Variants in CCNH observed in about 807,000 individuals in gnomAD.
The protein encoded by CCNH is cyclin H, also known as cyclin-H.
Under a neutral mutation model 41.9 loss-of-function variants are expected in CCNH, and 31 were observed. That is an observed-to-expected ratio of 0.74 (90% CI 0.56 to 1.00). The LOEUF (loss-of-function observed/expected upper bound fraction) is 1.00, where lower values mean the gene tolerates loss of function less well. CCNH is among the 50% of genes least tolerant of loss of function. The pLI, the probability that CCNH is intolerant of heterozygous loss-of-function variation, is 0.00. For missense variants in CCNH, 362 were observed against 388.4 expected (o/e 0.93, Z 0.57); for synonymous variants, 138 against 136.1 (o/e 1.01, Z -0.10).
chr5:87,368,788 C>T (rs534624840), intron 9 of CCNH, among the ~76,000 whole-genome samples: 2 of 152,266 alleles, frequency 1.3e-5, no homozygotes, highest in South Asian at 2.1e-4. Flanking sequence ...CTGCCTTGAA[C>T]GGAAAAGATG....
intron 9 of CCNH, among the ~76,000 whole-genome samples, chr5:87,343,402 G>C (rs1430477306): frequency 2.6e-5 from 4 of 152,006 alleles, no homozygotes; most frequent in African/African-American, 9.7e-5. Context: ...TTTTCCAGTA[G>C]CTGGAATAAT....
At chr5:87,365,612 A>T (rs1372930084) in intron 9 of CCNH, among the ~76,000 whole-genome samples, 1 of 152,120 alleles carries the variant, frequency 6.6e-6, no homozygotes, top group Non-Finnish European at 1.5e-5. Flanking sequence ...ACTACTTTAT[A>T]ATTAGCCTTA....
intron 9 of CCNH, chr5:87,331,037 C>G: frequency 7.8e-7 from 1 of 1,276,728 alleles, no homozygotes; most frequent in East Asian, 2.6e-5. Context: ...AAGTAAAGAT[C>G]TGGTTGCAGT....
intron 9 of CCNH, among the ~76,000 whole-genome samples, chr5:87,334,161 G>T (rs901503948): frequency 6.6e-6 from 1 of 152,018 alleles, no homozygotes; most frequent in Non-Finnish European, 1.5e-5. Flanking sequence ...CCCACAATCG[G>T]CTGTCTGCAA....
chr5:87,372,620 T>C (rs562625611), downstream of CCNH, among the ~76,000 whole-genome samples: 1 of 152,310 alleles, frequency 6.6e-6, no homozygotes, highest in African/African-American at 2.4e-5. Flanking sequence ...AGGAAATATT[T>C]AATCTTATTT....
chr5:87,344,952 TTC>T, intron 9 of CCNH, among the ~76,000 whole-genome samples: 1 of 152,266 alleles, frequency 6.6e-6, no homozygotes, highest in East Asian at 1.9e-4. Flanking sequence ...ATTGGTACCC[TTC>T]TCTGTTACTC....
intron 9 of CCNH, among the ~76,000 whole-genome samples, chr5:87,359,162 TA>T (rs976125670): frequency 1.8e-4 from 28 of 152,308 alleles, no homozygotes; most frequent in African/African-American, 6.5e-4. Context: ...TTTATTGAAT[TA>T]ATATATTAAA....
At chr5:87,411,042 T>C (rs912129978) in intron 2 of CCNH, among the ~76,000 whole-genome samples, 182 bp downstream of exon 2, 6 of 152,204 alleles carry the variant, frequency 3.9e-5, no homozygotes, top group African/African-American at 1.4e-4. Flanking sequence ...TGAAATACTT[T>C]TGAAGATATG....
chr5:87,353,335 A>T, intron 9 of CCNH: 2 of 907,490 alleles, frequency 2.2e-6, no homozygotes, highest in Non-Finnish European at 3.5e-6. Context: ...AATTGGATAC[A>T]ACTTAAAACT....
chr5:87,386,923 G>C (rs1290076478), downstream of CCNH: 27 of 1,595,332 alleles, frequency 1.7e-5, no homozygotes, highest in East Asian at 6.0e-4. Flanking sequence ...TAGTTTTCAG[G>C]TACTTTTTTT....
At chr5:87,391,433 T>A (rs1337329102), downstream of CCNH, 12 of 242,882 alleles carry the variant, frequency 4.9e-5, no homozygotes, top group Admixed American at 6.0e-4. Context: ...TGTATACTTT[T>A]AAAAAATACT....
At chr5:87,360,124 GTTTTTTTT>G (rs755443447) in intron 9 of CCNH, among the ~76,000 whole-genome samples, 48 of 132,702 alleles carry the variant, frequency 3.6e-4, no homozygotes, top group African/African-American at 1.3e-3. Flanking sequence ...TCAAAATGCA[GTTTTTTTT>G]TTTTTTTTTG....
At chr5:87,357,620 G>C (rs1173173625) in intron 9 of CCNH, among the ~76,000 whole-genome samples, 1 of 152,028 alleles carries the variant, frequency 6.6e-6, no homozygotes, top group East Asian at 1.9e-4. Context: ...CAGGAGAATC[G>C]CTTGAACCTG....
chr5:87,379,632 C>T (rs1372087689), upstream of CCNH: 10 of 1,476,780 alleles, frequency 6.8e-6, no homozygotes, highest in Admixed American at 4.6e-5. Flanking sequence ...ACAGAGATAC[C>T]GAAAAATAGA....
At chr5:87,312,812 CAAG>C in the CCNH span, among the ~76,000 whole-genome samples, 2 of 152,088 alleles carry the variant, frequency 1.3e-5, no homozygotes, top group African/African-American at 4.8e-5. Flanking sequence ...AACAAATAAA[CAAG>C]AACTCTTTCT....
intron 7 of CCNH, among the ~76,000 whole-genome samples, chr5:87,398,061 A>T (rs1309806736): frequency 6.6e-6 from 1 of 152,234 alleles, no homozygotes; most frequent in Admixed American, 6.5e-5. Flanking sequence ...GTGCTGCAAT[A>T]CTTTTATTCA....
downstream of CCNH, among the ~76,000 whole-genome samples, chr5:87,314,029 C>T (rs1339225950): frequency 3.3e-5 from 5 of 152,014 alleles, no homozygotes; most frequent in South Asian, 4.1e-4. Flanking sequence ...ATGAGCCAGG[C>T]GTGGTGGCAC....
intron 9 of CCNH, chr5:87,318,976 T>A (rs1041834058): frequency 1.3e-5 from 2 of 152,284 alleles, no homozygotes; most frequent in African/African-American, 4.8e-5. Flanking sequence ...CTGTTGCAAA[T>A]GGGAGAAATA....
intron 8 of CCNH, 96 bp downstream of exon 8, chr5:87,394,948 A>T: frequency 6.3e-7 from 1 of 1,585,766 alleles, no homozygotes; most frequent in South Asian, 1.2e-5. Flanking sequence ...ACAACTCTAT[A>T]ATGCCTGTAC....
Sources: gnomAD v4.1 joint callset for allele counts (sites outside exome capture counted in the v4.1 genomes callset) on GRCh38, gnomAD v4.1.1 for gene constraint, MANE v1.5 for transcripts, NCBI Gene and HGNC (gene_info 2026-07-23, HGNC 2026-07-21) for gene names.